Variants in DEPTOR observed in about 807,000 individuals in gnomAD.
DEPTOR encodes DEP domain containing MTOR interacting protein.
Under a neutral mutation model 41.6 loss-of-function variants are expected in DEPTOR, and 41 were observed. The ratio of observed to expected loss-of-function variants is 0.98; its 90% confidence interval spans 0.77 to 1.28. The LOEUF (loss-of-function observed/expected upper bound fraction) is 1.28. Ranked by LOEUF, DEPTOR falls within the 50% of genes most tolerant of loss-of-function variation. The probability of loss-of-function intolerance (pLI) is 0.00; values close to 1 mark genes in which losing one functional copy is unlikely to be tolerated. For missense variants in DEPTOR, 514 were observed against 527.9 expected, an observed-to-expected ratio of 0.97 and a Z score of 0.26; for synonymous variants, 195 against 192.3, an observed-to-expected ratio of 1.01 and a Z score of -0.12.
chr8:119,894,497 C>T (rs925569321), intron 1 of DEPTOR, among the ~76,000 whole-genome samples: 5 of 151,650 alleles, frequency 3.3e-5, no homozygotes, highest in African/African-American at 4.8e-5. Flanking sequence ...CCTGGGTTCA[C>T]GGCATTCTCC....
At chr8:119,886,356 G>A (rs1165785555) in intron 1 of DEPTOR, among the ~76,000 whole-genome samples, 2 of 152,066 alleles carry the variant, frequency 1.3e-5, no homozygotes, top group Non-Finnish European at 2.9e-5. Flanking sequence ...CCCTGACTTC[G>A]TTGGTTAGGT....
intron 1 of DEPTOR, among the ~76,000 whole-genome samples, chr8:119,908,073 C>A (rs1366651103): frequency 6.6e-6 from 1 of 152,128 alleles, no homozygotes. Context: ...CAACCCCACC[C>A]ACCAACCACT....
At chr8:119,913,368 G>A (rs1160094152) in intron 1 of DEPTOR, among the ~76,000 whole-genome samples, 1 of 152,200 alleles carries the variant, frequency 6.6e-6, no homozygotes, top group Non-Finnish European at 1.5e-5. Flanking sequence ...AAGAGAGGGG[G>A]CAATGACAAA....
chr8:120,000,658 T>TC (rs1812332879), intron 4 of DEPTOR, among the ~76,000 whole-genome samples: 1 of 151,954 alleles, frequency 6.6e-6, no homozygotes. Context: ...AGACGAGGAT[T>TC]CACCATGTTG....
At chr8:119,890,326 A>G (rs1174006199) in intron 1 of DEPTOR, among the ~76,000 whole-genome samples, 5 of 148,370 alleles carry the variant, frequency 3.4e-5, no homozygotes, top group Admixed American at 3.4e-4. Flanking sequence ...TGTTTGAGAC[A>G]GGGTCTCACT....
intron 1 of DEPTOR, among the ~76,000 whole-genome samples, chr8:119,893,007 T>C (rs1827471311): frequency 6.6e-6 from 1 of 152,124 alleles, no homozygotes. Context: ...GGTCTCGAAC[T>C]CCTGTTCTCA....
intron 1 of DEPTOR, among the ~76,000 whole-genome samples, chr8:119,906,980 T>C (rs778243024): frequency 2.8e-4 from 42 of 152,308 alleles, no homozygotes; most frequent in Admixed American, 1.3e-3. Context: ...ATGAAAGGAC[T>C]GTCAACATGG....
chr8:119,893,435 G>T (rs1459467129), intron 1 of DEPTOR, among the ~76,000 whole-genome samples: 1 of 152,152 alleles, frequency 6.6e-6, no homozygotes, highest in Non-Finnish European at 1.5e-5. Flanking sequence ...GACATTTTTG[G>T]TTCCTTCATG....
intron 3 of DEPTOR, among the ~76,000 whole-genome samples, chr8:119,948,064 C>T (rs887109386): frequency 6.6e-6 from 1 of 152,168 alleles, no homozygotes; most frequent in African/African-American, 2.4e-5. Context: ...AAAGTGCCCT[C>T]TGACACTTAA....
Position 120,003,121 on chromosome 8 carries a change from CA to C in DEPTOR, c.925+14del. 6.2e-7 allele frequency: 1 copy of C among 1,610,310 alleles called. No individual in the cohort carries two copies. ...TGCAACCCCAAGTCCGGTGAGTGCCCAAAAGGTGGCCCCGCTCCTAAGACTG... is the reference window on the plus strand; with the variant it reads ...TGCAACCCCAAGTCCGGTGAGTGCCCAAAGGTGGCCCCGCTCCTAAGACTG... On this transcript the variant is annotated intron_variant, in intron 6 of 8. Transcript: ENST00000286234.
At position 119,905,468 on chromosome 8, in the gene DEPTOR, A is replaced by G. The variant is rs78862391; in HGVS notation, c.123-22932A>G. ...GGGAGAAGCACCATACAGAGACAAG[A>G]GCAGGTGGAAAGAAAGGTTTGAAAT... On this transcript the variant is annotated intron_variant, in intron 1 of 8. Coordinates refer to ENST00000286234, the MANE Select transcript of DEPTOR (RefSeq NM_022783.4). Among the ~76,000 whole-genome samples, 1,162 of 152,222 alleles carry G rather than the reference A, an allele frequency of 7.6e-3. 7 individuals are homozygous for G. The highest frequency in any genetic ancestry group is 0.012 in the Non-Finnish European group (826 of 68,008).
chr8:119,949,814 G>A (rs549916924), intron 3 of DEPTOR, among the ~76,000 whole-genome samples: 2 of 151,866 alleles, frequency 1.3e-5, no homozygotes, highest in Admixed American at 1.3e-4. Flanking sequence ...TGAGTAGCTG[G>A]GATTACAGGT....
At chr8:119,909,414 C>T (rs1827708400) in intron 1 of DEPTOR, among the ~76,000 whole-genome samples, 1 of 152,154 alleles carries the variant, frequency 6.6e-6, no homozygotes, top group Admixed American at 6.6e-5. Flanking sequence ...GTTTGGCACC[C>T]TGTCAGCATT....
Position 120,000,387 on chromosome 8 carries a change from A to G in DEPTOR, c.605-1138A>G, listed in dbSNP as rs1812328893. ...TCTTTGTTTTGGACATTCCATATGA[A>G]TGGAATCATACAGTGTGTGGTCTCT... On this transcript the variant is annotated intron_variant, in intron 4 of 8. Coordinates refer to ENST00000286234, the MANE Select transcript of DEPTOR (RefSeq NM_022783.4). Among the ~76,000 whole-genome samples, 2 of 152,106 alleles carry G rather than the reference A, an allele frequency of 1.3e-5. 1 individual carries two copies. The highest frequency in any genetic ancestry group is 4.1e-4 in the South Asian group (2 of 4,822).
intron 8 of DEPTOR, among the ~76,000 whole-genome samples, chr8:120,046,663 T>C (rs1290431065): frequency 6.6e-6 from 1 of 152,182 alleles, no homozygotes; most frequent in East Asian, 1.9e-4. Context: ...CACTATGTTG[T>C]CCAGGCTGGC....
At chr8:119,938,829 T>A (rs1252097427) in intron 3 of DEPTOR, among the ~76,000 whole-genome samples, 1 of 151,722 alleles carries the variant, frequency 6.6e-6, no homozygotes, top group Non-Finnish European at 1.5e-5. Context: ...GCCTTCCTTC[T>A]TTCCTTCCTT....
chr8:119,988,414 G>A (rs376785164), intron 4 of DEPTOR, among the ~76,000 whole-genome samples: 2 of 152,278 alleles, frequency 1.3e-5, no homozygotes, highest in Admixed American at 1.3e-4. Context: ...CACCTTCTGC[G>A]TTGATCTCAC....
intron 1 of DEPTOR, among the ~76,000 whole-genome samples, chr8:119,914,526 G>C (rs1251223920): frequency 1.3e-5 from 2 of 151,360 alleles, no homozygotes; most frequent in African/African-American, 4.9e-5. Flanking sequence ...GGCAACCTCC[G>C]CCTCCCAGGT....
At chr8:120,046,600 C>CT (rs1813157265) in intron 8 of DEPTOR, among the ~76,000 whole-genome samples, 2 of 152,038 alleles carry the variant, frequency 1.3e-5, no homozygotes, top group African/African-American at 4.8e-5. Context: ...TTTCATCTGT[C>CT]TTTTTAAATT....
Sources: allele counts gnomAD v4.1 joint callset (sites outside exome capture counted in the v4.1 genomes callset), GRCh38; gene constraint gnomAD v4.1.1; transcripts MANE v1.5; gene names NCBI Gene and HGNC (gene_info 2026-07-23, HGNC 2026-07-21).